The following ASXL3 variants were observed in gnomAD, a reference collection of about 807,000 sequenced individuals.
ASXL3 encodes putative Polycomb group protein ASXL3.
In ASXL3, 34 loss-of-function variants were observed where a neutral mutation model predicts 170.6. The ratio of observed to expected loss-of-function variants is 0.20; its 90% CI spans 0.15 to 0.27. The LOEUF is 0.27. Among genes scored for constraint, ASXL3 ranks in the 10% least tolerant of loss-of-function variants. The pLI, the probability that ASXL3 is intolerant of heterozygous loss-of-function variation, is 1.00. For missense variants in ASXL3, 2,592 were observed against 2,695.3 expected (o/e 0.96, Z 0.85); for synonymous variants, 1,002 against 989.1 (o/e 1.01, Z -0.24).
intron 4 of ASXL3, among the ~76,000 whole-genome samples, chr18:33,656,701 G>A (rs780369551): frequency 2.0e-5 from 3 of 152,056 alleles, no homozygotes; most frequent in African/African-American, 2.4e-5. Context: ...GTGGCAGGTC[G>A]TGCAACTTCC....
intron 8 of ASXL3, among the ~76,000 whole-genome samples, chr18:33,697,001 G>T (rs1476826196): frequency 6.6e-6 from 1 of 151,988 alleles, no homozygotes; most frequent in Non-Finnish European, 1.5e-5. Flanking sequence ...ATTTGTACAG[G>T]GTCAACAGAG....
At chr18:33,660,382 T>C (rs1310777290) in intron 4 of ASXL3, among the ~76,000 whole-genome samples, 1 of 152,144 alleles carries the variant, frequency 6.6e-6, no homozygotes, top group Non-Finnish European at 1.5e-5. Flanking sequence ...GCCGCATAGT[T>C]ATTTCTAGGC....
At chr18:33,718,116 A>G (rs140444539) in intron 8 of ASXL3, among the ~76,000 whole-genome samples, 10 of 152,270 alleles carry the variant, frequency 6.6e-5, no homozygotes, top group Non-Finnish European at 1.0e-4. Flanking sequence ...AAATACAACT[A>G]AATCATGGCA....
intron 1 of ASXL3, among the ~76,000 whole-genome samples, chr18:33,587,537 A>G (rs1156830507): frequency 6.6e-6 from 1 of 152,092 alleles, no homozygotes; most frequent in African/African-American, 2.4e-5. Flanking sequence ...ACCTTTAAAA[A>G]TATGTTTTAA....
intron 4 of ASXL3, among the ~76,000 whole-genome samples, chr18:33,652,854 G>A (rs2066023539): frequency 6.6e-6 from 1 of 151,984 alleles, no homozygotes; most frequent in South Asian, 2.1e-4. Flanking sequence ...AGTGAAAAGT[G>A]TGTTAAGGAG....
intron 4 of ASXL3, among the ~76,000 whole-genome samples, chr18:33,648,257 TGTC>T (rs1160454012): frequency 3.9e-5 from 6 of 152,026 alleles, no homozygotes; most frequent in Non-Finnish European, 7.4e-5. Flanking sequence ...AGACAGCTAT[TGTC>T]GTAATCTAGA....
rs1380258283 is a variant in ASXL3, at chr18:33,749,073, G to GC, written c.*2481dup. 4.5e-5 allele frequency: 5 copies of GC among 111,396 alleles called. No individual in the cohort carries two copies. The highest frequency in any genetic ancestry group is 6.1e-4 in the South Asian group (2 of 3,276). The allele number at this position is 111,396 out of a possible 1,614,324, so 6.9% of individuals were successfully genotyped here. Reference sequence around the variant, plus strand: ...GGTCCGATTAGCATAATTTTTCTGCGCCCTTTTTTTTTTTTTTTTTGCTCC... The same window carrying GC: ...GGTCCGATTAGCATAATTTTTCTGCGCCCCTTTTTTTTTTTTTTTTTGCTCC... On this transcript the variant is annotated 3_prime_UTR_variant, in exon 12 of 12. Coordinates refer to ENST00000269197, the MANE Select transcript of ASXL3 (RefSeq NM_030632.3).
intron 2 of ASXL3, among the ~76,000 whole-genome samples, chr18:33,631,137 C>A (rs1402256876): frequency 1.3e-5 from 2 of 151,812 alleles, no homozygotes; most frequent in African/African-American, 4.8e-5. Context: ...AAGTCATAAA[C>A]CATGGAGAAA....
chr18:33,663,177 TG>T (rs2066204332), intron 5 of ASXL3, among the ~76,000 whole-genome samples: 1 of 152,176 alleles, frequency 6.6e-6, no homozygotes, highest in South Asian at 2.1e-4. Context: ...TAGCAAAGCC[TG>T]GGCTACTCAT....
At chr18:33,729,120 A>G (rs1475728350) in intron 8 of ASXL3, among the ~76,000 whole-genome samples, 1 of 152,134 alleles carries the variant, frequency 6.6e-6, no homozygotes, top group Non-Finnish European at 1.5e-5. Flanking sequence ...CTCCCGAAAC[A>G]GGGCCTGGAA....
chr18:33,628,220 A>C (rs1029946614), intron 2 of ASXL3, among the ~76,000 whole-genome samples: 2 of 152,156 alleles, frequency 1.3e-5, no homozygotes, highest in Non-Finnish European at 2.9e-5. Flanking sequence ...CTAACTTCAC[A>C]CAATGATAAG....
intron 8 of ASXL3, among the ~76,000 whole-genome samples, chr18:33,714,863 A>G (rs529934085): frequency 9.2e-5 from 14 of 152,034 alleles, no homozygotes; most frequent in African/African-American, 3.1e-4. Context: ...TCTTGAATCC[A>G]TTTTGGGGTA....
intron 7 of ASXL3, among the ~76,000 whole-genome samples, chr18:33,678,097 T>C (rs939559354): frequency 6.7e-6 from 1 of 150,102 alleles, no homozygotes; most frequent in African/African-American, 2.5e-5. Flanking sequence ...TATTTATTTA[T>C]TTATTTATTT....
intron 1 of ASXL3, among the ~76,000 whole-genome samples, chr18:33,587,492 GT>G (rs2065044362): frequency 1.3e-5 from 2 of 152,064 alleles, no homozygotes; most frequent in East Asian, 1.9e-4. Context: ...AATATTCTTA[GT>G]TTTTGTATGG....
chr18:33,620,569 C>T (rs1336912303), intron 2 of ASXL3, among the ~76,000 whole-genome samples: 1 of 152,126 alleles, frequency 6.6e-6, no homozygotes, highest in Non-Finnish European at 1.5e-5. Flanking sequence ...AACTTGATTG[C>T]TAAGACGAGA....
At chr18:33,660,718 C>T (rs902160506) in intron 4 of ASXL3, among the ~76,000 whole-genome samples, 6 of 152,120 alleles carry the variant, frequency 3.9e-5, no homozygotes, top group African/African-American at 1.4e-4. Context: ...TCCTTCTCCC[C>T]CAGTGTATAC....
At chr18:33,695,171 A>G (rs1246233960) in intron 8 of ASXL3, among the ~76,000 whole-genome samples, 2 of 152,166 alleles carry the variant, frequency 1.3e-5, no homozygotes, top group Admixed American at 6.6e-5. Context: ...TACTTAAAAG[A>G]TTATAAAATT....
intron 9 of ASXL3, among the ~76,000 whole-genome samples, chr18:33,732,822 C>T (rs1252780777): frequency 6.7e-6 from 1 of 149,256 alleles, no homozygotes; most frequent in African/African-American, 2.5e-5. Flanking sequence ...GATCATGCTA[C>T]TGCACTCTAG....
chr18:33,744,150 T>C lies in ASXL3; in HGVS notation c.4302T>C (p.Ala1434=). 1 of 1,614,028 alleles carries C rather than the reference T, an allele frequency of 6.2e-7. No homozygotes were observed. The highest frequency in any genetic ancestry group is 8.5e-7 in the Non-Finnish European group (1 of 1,179,890). The change falls in exon 12 of 12, where the codon GCT becomes GCC. Residue 1434 remains alanine, a synonymous_variant. Coordinates refer to ENST00000269197, the MANE Select transcript of ASXL3 (RefSeq NM_030632.3). ...NSYDSPPKLS[A]ESLDKNSGPR... is the part of the protein sequence containing the mutation. ...ATGATAGTCCTCCCAAGTTAAGTGC[T>C]GAAAGCTTGGACAAAAATTCAGGGC...
Sources: gnomAD v4.1 joint callset for allele counts (sites outside exome capture counted in the v4.1 genomes callset) on GRCh38, gnomAD v4.1.1 for gene constraint, MANE v1.5 for transcripts, NCBI Gene and HGNC (gene_info 2026-07-23, HGNC 2026-07-21) for gene names.